The following SETD1B variants were observed in gnomAD, a reference collection of about 807,000 sequenced individuals.
SETD1B encodes the protein histone-lysine N-methyltransferase SETD1B.
A neutral mutation model predicts 148.0 loss-of-function variants in SETD1B; 7 were observed. The observed-to-expected ratio is 0.05, with a 90% CI of 0.03 to 0.09. The LOEUF is 0.09. Ranked by LOEUF, SETD1B falls within the 10% of genes least tolerant of loss-of-function variation. The probability of loss-of-function intolerance (pLI) is 1.00; values close to 1 mark genes in which losing one functional copy is unlikely to be tolerated. For synonymous variants in SETD1B, 1,361 were observed against 1,186.5 expected (o/e 1.15, Z -3.02); for missense variants, 2,155 against 2,729.9 (o/e 0.79, Z 4.69).
At chr12:121,807,512 TAA>T (rs996762555) in intron 4 of SETD1B, among the ~76,000 whole-genome samples, 2 of 148,566 alleles carry the variant, frequency 1.3e-5, no homozygotes, top group African/African-American at 2.5e-5. Context: ...GACTGCCAAC[TAA>T]GTTTGTATTT....
the SETD1B span, among the ~76,000 whole-genome samples, chr12:121,794,787 CCT>C: frequency 2.9e-3 from 437 of 152,244 alleles, 3 homozygotes; most frequent in African/African-American, 0.01. Context: ...GGGACCCCCC[CCT>C]GGAGCCGGTC....
intron 4 of SETD1B, among the ~76,000 whole-genome samples, chr12:121,806,559 G>GT (rs1875751300): frequency 6.6e-6 from 1 of 152,194 alleles, no homozygotes; most frequent in South Asian, 2.1e-4. Flanking sequence ...GATCCAGGGT[G>GT]TCCCCCCACC....
chr12:121,806,421 C>T (rs895861516), intron 4 of SETD1B, among the ~76,000 whole-genome samples: 4 of 152,214 alleles, frequency 2.6e-5, no homozygotes, highest in South Asian at 4.2e-4. Context: ...TTTAGACAGT[C>T]CCCAGTGTTG....
chr12:121,793,931 G>A, the SETD1B span: 4 of 295,170 alleles, frequency 1.4e-5, no homozygotes, highest in African/African-American at 2.2e-5. Context: ...CGCGCCCCTC[G>A]CCGGCGAGAC....
chr12:121,799,725 GGGGGGTGGGGT>G (rs1488564585), upstream of SETD1B: 111 of 130,752 alleles, frequency 8.5e-4, 21 homozygotes, highest in African/African-American at 3.0e-3. Flanking sequence ...GCTGGGGGGG[GGGGGGTGGGGT>G]GGGGCGGGGC....
In SETD1B at chr12:121,823,499, G is replaced by T. The variant is rs1278959137; in HGVS notation, c.4920G>T (p.Gly1640=). ...EEYMELAKSR[G]PWRRPPKKRH... ...ACATGGAGTTGGCCAAGAGCCGGGGGCCGTGGCGCCGGCCACCTAAGAAGC... is the reference window on the plus strand; with the variant it reads ...ACATGGAGTTGGCCAAGAGCCGGGGTCCGTGGCGCCGGCCACCTAAGAAGC... Residue 1640 remains glycine, a synonymous_variant, in exon 12 of 17, where the codon GGG becomes GGT. Transcript: ENST00000604567. The T allele has an allele frequency of 2.6e-6, 4 of 1,550,598 alleles. No homozygotes were observed. In the Admixed American group the frequency reaches 5.9e-5, roughly 23 times the overall value.
At position 121,810,656 on chromosome 12, in the gene SETD1B, G is replaced by A; in HGVS notation, c.1711G>A (p.Asp571Asn). 6.5e-7 allele frequency: 1 copy of A among 1,549,534 alleles called. No individual in the cohort carries two copies. The highest frequency in any genetic ancestry group is 2.4e-5 in the East Asian group (1 of 40,904). The change falls in exon 6 of 17, where the codon GAT becomes AAT. Residue 571 changes from aspartate (D) to asparagine (N), a missense_variant. This residue lies in a region of SETD1B where 295 missense variants were observed against 303.8 expected (regional missense o/e 0.97). Transcript: ENST00000604567. This position sits in a 1 kb window ranked among gnomAD's most constrained non-coding sequence, Gnocchi z 7.6. Reference protein sequence around the residue: ...SSRPSSTGLEDISPTPLPDSD... With the variant: ...SSRPSSTGLENISPTPLPDSD... ...ACGCCCCTCCAGCACCGGCCTGGAGGATATCAGCCCAACACCCCTCCCAGA... is the reference window on the plus strand; with the variant it reads ...ACGCCCCTCCAGCACCGGCCTGGAGAATATCAGCCCAACACCCCTCCCAGA...
In SETD1B at chr12:121,804,578, G is replaced by T. The variant is rs1351316237; in HGVS notation, c.-14-146G>T. Reference sequence around the variant, plus strand: ...ATTCTCTCGCTCCATTCTTGTTTTGGGGGGAGCCAGCGAGACAGCTCCTTT... The same window carrying T: ...ATTCTCTCGCTCCATTCTTGTTTTGTGGGGAGCCAGCGAGACAGCTCCTTT... On this transcript the variant is annotated intron_variant, in intron 1 of 16. Coordinates refer to ENST00000604567, the MANE Select transcript of SETD1B (RefSeq NM_001353345.2). This position sits in a 1 kb window ranked among gnomAD's most constrained non-coding sequence, Gnocchi z 4.6. The T allele has an allele frequency of 4.6e-6, 3 of 645,224 alleles. No individual in the cohort carries two copies. The highest frequency in any genetic ancestry group is 3.1e-5 in the Admixed American group (1 of 31,972). 40.0% of individuals were successfully genotyped at this position (645,224 alleles called of 1,614,324 possible).
rs1392993392 is a variant in SETD1B, at chr12:121,818,706, C to T, written c.3419-698C>T. Among the ~76,000 whole-genome samples the T allele has an allele frequency of 3.3e-5, 5 of 151,178 alleles. No homozygotes were observed. The East Asian group carries it at 7.8e-4, about 24-fold the overall frequency. ...CAGATCGAGACCATCCTGGCTAACA[C>T]GGTGAAACCCCGTCTCTAATAAAAA... On this transcript the variant is annotated intron_variant, in intron 10 of 16. Transcript: ENST00000604567.
chr12:121,814,368 C>G lies in SETD1B; in HGVS notation c.2153C>G (p.Pro718Arg). ...PLPPPPPPPP[P>R]AHPAVTVPPP... Reference sequence around the variant, plus strand: ...CCCCCACCGCCGCCCCCACCCCCTCCAGCCCACCCTGCTGTGACAGTGCCC... The same window carrying G: ...CCCCCACCGCCGCCCCCACCCCCTCGAGCCCACCCTGCTGTGACAGTGCCC... The change falls in exon 7 of 17, where the codon CCA (proline) becomes CGA (arginine). Residue 718 changes from proline (P) to arginine (R), a missense_variant. By Grantham distance (103) the Pro-to-Arg change is moderately radical. This residue lies in a region of SETD1B where 295 missense variants were observed against 303.8 expected (regional missense o/e 0.97). Coordinates refer to ENST00000604567, the MANE Select transcript of SETD1B (RefSeq NM_001353345.2). 9.9e-7 allele frequency: 1 copy of G among 1,009,976 alleles called. No individual in the cohort carries two copies. The allele number at this position is 1,009,976 out of a possible 1,614,324, so 62.6% of individuals were successfully genotyped here.
At chr12:121,796,910 T>C in the SETD1B span, among the ~76,000 whole-genome samples, 1 of 152,084 alleles carries the variant, frequency 6.6e-6, no homozygotes, top group South Asian at 2.1e-4. Context: ...TGGTGGCACA[T>C]GCCTGTAATC....
At position 121,804,609 on chromosome 12, in the gene SETD1B, C is replaced by G. The variant is rs1875619963; in HGVS notation, c.-14-115C>G. The stretch of plus-strand genomic sequence containing the variant: ...GCCAGCGAGACAGCTCCTTTCGGGG[C>G]GCGCTGGCAAGGTGGGAGGGGGTGG... On this transcript the variant is annotated intron_variant, in intron 1 of 16. Coordinates refer to ENST00000604567, the MANE Select transcript of SETD1B (RefSeq NM_001353345.2). The surrounding 1 kb of genome is among the most constrained non-coding windows in gnomAD (Gnocchi z 4.6). 2.0e-5 allele frequency: 17 copies of G among 830,674 alleles called. No individual in the cohort carries two copies. Among genetic ancestry groups the G allele is most frequent in the African/African-American group, 3.6e-5 (2 of 56,142 alleles). 51.5% of individuals were successfully genotyped at this position (830,674 alleles called of 1,614,324 possible).
chr12:121,825,187 G>T lies in SETD1B; in HGVS notation c.5171-13G>T. The T allele has an allele frequency of 1.3e-6, 2 of 1,550,834 alleles. No homozygotes were observed. The highest frequency in any genetic ancestry group is 2.4e-5 in the South Asian group (2 of 83,980). ...CTCTCAGAATGTCCATGTGGCCCTT[G>T]ACCCACACCCACCCACCAGCCTCTC... On this transcript the variant is annotated splice_polypyrimidine_tract_variant and intron_variant, in intron 12 of 16. Coordinates refer to ENST00000604567, the MANE Select transcript of SETD1B (RefSeq NM_001353345.2).
Position 121,805,866 on chromosome 12 carries a change from C to G in SETD1B, c.305C>G (p.Pro102Arg). The change falls in exon 4 of 17, where the codon CCG (proline) becomes CGG (arginine). Residue 102 changes from proline (P) to arginine (R), a missense_variant. By Grantham distance (103) the Pro-to-Arg change is moderately radical. Coordinates refer to ENST00000604567, the MANE Select transcript of SETD1B (RefSeq NM_001353345.2). This position sits in a 1 kb window ranked among gnomAD's most constrained non-coding sequence, Gnocchi z 4.2. ...GAGTTCTACGTGGGCCCGGTGCCTC[C>G]GAAGCAGGTGACATTTGCCAAGCTG... ...IDEFYVGPVP[P>R]KQVTFAKLND... The G allele has an allele frequency of 6.4e-7, 1 of 1,551,526 alleles. No homozygotes were observed. The highest frequency in any genetic ancestry group is 8.7e-7 in the Non-Finnish European group (1 of 1,146,956).
At chr12:121,797,845 T>C in the SETD1B span, 2 of 339,056 alleles carry the variant, frequency 5.9e-6, no homozygotes, top group Admixed American at 8.2e-5. Context: ...TTTGGGATAT[T>C]AACAATGTGA....
At position 121,821,033 on chromosome 12, in the gene SETD1B, G is replaced by A. The variant is rs1214956553; in HGVS notation, c.3910+1138G>A. The stretch of plus-strand genomic sequence containing the variant: ...GGCAGACTACAAGCTTTGAGTATGT[G>A]CAGATTTAGGTATACCAGGGAGTGT... On this transcript the variant is annotated intron_variant, in intron 11 of 16. Transcript: ENST00000604567. Among the ~76,000 whole-genome samples the A allele has an allele frequency of 2.0e-5, 3 of 152,228 alleles. No homozygotes were observed. In the South Asian group the frequency reaches 6.2e-4, roughly 31 times the overall value.
rs1194427112 is a variant in SETD1B, at chr12:121,824,829, A to G, written c.5171-371A>G. Among the ~76,000 whole-genome samples the G allele has an allele frequency of 4.6e-5, 7 of 152,200 alleles. No individual in the cohort carries two copies. The East Asian group carries it at 1.2e-3, about 25-fold the overall frequency. On this transcript the variant is annotated intron_variant, in intron 12 of 16. Coordinates refer to ENST00000604567, the MANE Select transcript of SETD1B (RefSeq NM_001353345.2). ...GGAGGTTGAAGCCAGCCTGGGAAACATAGCAAAACCCCATCTCTACAAAAA... is the reference window on the plus strand; with the variant it reads ...GGAGGTTGAAGCCAGCCTGGGAAACGTAGCAAAACCCCATCTCTACAAAAA...
rs373388090 is a variant in SETD1B at position 121,819,745 on chromosome 12, C to A, written c.3760C>A (p.Pro1254Thr). The change falls in exon 11 of 17, where the codon CCC (proline) becomes ACC (threonine). Residue 1254 changes from proline (P) to threonine (T), a missense_variant. By Grantham distance (38) the Pro-to-Thr change is conservative (BLOSUM62 -1). Transcript: ENST00000604567. ...EERPSMLDEPPLPVGVEEPAD... is the reference protein window; with the variant it reads ...EERPSMLDEPTLPVGVEEPAD... ...GCGGCCCTCCATGCTGGACGAGCCCCCCTTGCCTGTGGGTGTTGAAGAGCC... is the reference window on the plus strand; with the variant it reads ...GCGGCCCTCCATGCTGGACGAGCCCACCTTGCCTGTGGGTGTTGAAGAGCC... 2 of 1,551,442 alleles carry A rather than the reference C, an allele frequency of 1.3e-6. No individual in the cohort carries two copies. The highest frequency in any genetic ancestry group is 2.0e-5 in the Admixed American group (1 of 50,996).
chr12:121,796,878 A>T, the SETD1B span, among the ~76,000 whole-genome samples: 2 of 152,156 alleles, frequency 1.3e-5, no homozygotes, highest in African/African-American at 4.8e-5. Flanking sequence ...GTCTCTACTA[A>T]AAATACAAAA....
Sources: allele counts gnomAD v4.1 joint callset (sites outside exome capture counted in the v4.1 genomes callset), GRCh38; gene constraint gnomAD v4.1.1; regional missense constraint gnomAD v4.1.1; non-coding constraint Gnocchi (gnomAD v3.1); transcripts MANE v1.5; gene names NCBI Gene and HGNC (gene_info 2026-07-23, HGNC 2026-07-21).